The following ZFAND3 variants were observed in gnomAD, a reference collection of about 807,000 sequenced individuals.
ZFAND3 encodes the protein zinc finger AN1-type containing 3.
In ZFAND3, 10 loss-of-function variants were observed where a neutral mutation model predicts 29.6. That is an observed-to-expected ratio of 0.34 (90% CI 0.21 to 0.57). The LOEUF (loss-of-function observed/expected upper bound fraction) is 0.57. Ranked by LOEUF, ZFAND3 falls within the 20% of genes least tolerant of loss-of-function variation. ZFAND3 has a pLI of 0.86. For synonymous variants in ZFAND3, 128 were observed against 112.6 expected (o/e 1.14, Z -0.87); for missense variants, 230 against 304.5 (o/e 0.76, Z 1.82).
chr6:38,065,477 A>G (rs1294287291), intron 3 of ZFAND3, among the ~76,000 whole-genome samples: 1 of 152,188 alleles, frequency 6.6e-6, no homozygotes, highest in African/African-American at 2.4e-5. Context: ...CAGTTTAGAT[A>G]ATAATAATGT....
intron 2 of ZFAND3, among the ~76,000 whole-genome samples, chr6:38,011,564 C>A (rs1763153901): frequency 6.6e-6 from 1 of 152,094 alleles, no homozygotes; most frequent in Non-Finnish European, 1.5e-5. Context: ...TTTTAATTTT[C>A]ATTTCCTTTT....
At chr6:37,836,546 G>A (rs1045405066) in intron 1 of ZFAND3, among the ~76,000 whole-genome samples, 1 of 152,166 alleles carries the variant, frequency 6.6e-6, no homozygotes, top group African/African-American at 2.4e-5. Flanking sequence ...GCTCCTTGAA[G>A]GTCCTAGAAG....
intron 2 of ZFAND3, among the ~76,000 whole-genome samples, chr6:37,985,527 A>ACACACCCC (rs753070737): frequency 2.1e-5 from 3 of 141,656 alleles, no homozygotes; most frequent in Non-Finnish European, 3.2e-5. Flanking sequence ...ACACACACAC[A>ACACACCCC]CCCCCACACA....
intron 1 of ZFAND3, among the ~76,000 whole-genome samples, chr6:37,848,885 TGAGA>T (rs1286430939): frequency 1.3e-5 from 2 of 152,200 alleles, no homozygotes; most frequent in Non-Finnish European, 2.9e-5. Context: ...AGAGAATTGT[TGAGA>T]GAGCTGTCAG....
At chr6:37,869,513 A>AT (rs543408260) in intron 1 of ZFAND3, among the ~76,000 whole-genome samples, 1,818 of 141,294 alleles carry the variant, frequency 0.013, 29 homozygotes, top group African/African-American at 0.039. Flanking sequence ...AAGTTTGTTA[A>AT]TTTTTTTTTT....
intron 1 of ZFAND3, among the ~76,000 whole-genome samples, chr6:37,861,946 T>A (rs1312014827): frequency 1.3e-5 from 2 of 152,264 alleles, no homozygotes; most frequent in African/African-American, 4.8e-5. Flanking sequence ...CATTTTCTTA[T>A]AATCTTTCCC....
At chr6:37,926,799 A>G (rs259686) in intron 1 of ZFAND3, among the ~76,000 whole-genome samples, 45,913 of 151,990 alleles carry the variant, frequency 0.3, 7,651 homozygotes, top group Non-Finnish European at 0.38. Context: ...GTCTGTTCCA[A>G]GACCATGCAA....
chr6:38,116,883 G>T, intron 5 of ZFAND3, 144 bp downstream of exon 5: 2 of 1,108,198 alleles, frequency 1.8e-6, no homozygotes, highest in East Asian at 2.6e-5. Flanking sequence ...TAGGTTTGGG[G>T]CTTGAGAAAT....
intron 3 of ZFAND3, among the ~76,000 whole-genome samples, chr6:38,067,941 TG>T (rs1238080676): frequency 1.3e-5 from 2 of 152,134 alleles, no homozygotes; most frequent in African/African-American, 4.8e-5. Flanking sequence ...TGGAGGTGTT[TG>T]GGGGGTCATG....
At chr6:37,826,344 G>A (rs189630191) in intron 1 of ZFAND3, among the ~76,000 whole-genome samples, 5 of 152,184 alleles carry the variant, frequency 3.3e-5, no homozygotes, top group African/African-American at 1.2e-4. Flanking sequence ...GAGGAACAGC[G>A]ATCCTGCTCT....
At chr6:37,845,643 G>A (rs1764165032) in intron 1 of ZFAND3, among the ~76,000 whole-genome samples, 1 of 152,190 alleles carries the variant, frequency 6.6e-6, no homozygotes, top group South Asian at 2.1e-4. Context: ...CAGGTTGCAT[G>A]TATCATCAGT....
chr6:38,042,112 G>A (rs1325833939), intron 2 of ZFAND3, among the ~76,000 whole-genome samples: 1 of 150,698 alleles, frequency 6.6e-6, no homozygotes, highest in African/African-American at 2.4e-5. Flanking sequence ...TAGGATTACA[G>A]GTGTGAGCCA....
chr6:38,012,957 A>G (rs1318942263), intron 2 of ZFAND3, among the ~76,000 whole-genome samples: 1 of 152,234 alleles, frequency 6.6e-6, no homozygotes, highest in East Asian at 1.9e-4. Context: ...GTAAGGAGTT[A>G]CCTTAAATAT....
chr6:37,833,843 A>AG (rs1763911102), intron 1 of ZFAND3, among the ~76,000 whole-genome samples: 1 of 150,960 alleles, frequency 6.6e-6, no homozygotes, highest in African/African-American at 2.4e-5. Context: ...AAAAAAAAAA[A>AG]GGACTTCATT....
intron 1 of ZFAND3, among the ~76,000 whole-genome samples, chr6:37,923,404 G>T (rs1312111884): frequency 6.6e-6 from 1 of 152,140 alleles, no homozygotes; most frequent in Non-Finnish European, 1.5e-5. Context: ...AGGTCTTCAG[G>T]GGTAGTAATT....
At chr6:37,869,297 GGGATTACAGGCGCACCA>G (rs1764648247) in intron 1 of ZFAND3, among the ~76,000 whole-genome samples, 1 of 152,070 alleles carries the variant, frequency 6.6e-6, no homozygotes, top group African/African-American at 2.4e-5. Flanking sequence ...CCGAGTAGCT[GGGATTACAGGCGCACCA>G]CGCCTGGCTA....
intron 1 of ZFAND3, among the ~76,000 whole-genome samples, chr6:37,858,486 T>C (rs1764423471): frequency 1.3e-5 from 2 of 152,212 alleles, no homozygotes; most frequent in Admixed American, 6.5e-5. Context: ...GAAATCCTTT[T>C]TGAGGCTTTA....
At chr6:38,041,819 T>C (rs1763792621) in intron 2 of ZFAND3, among the ~76,000 whole-genome samples, 1 of 26,758 alleles carries the variant, frequency 3.7e-5, no homozygotes, top group African/African-American at 1.0e-4. Context: ...TTCTTCTTCT[T>C]CTCCTCCTTT....
At chr6:38,141,328 C>T (rs1341628447) in intron 5 of ZFAND3, among the ~76,000 whole-genome samples, 1 of 152,186 alleles carries the variant, frequency 6.6e-6, no homozygotes, top group Non-Finnish European at 1.5e-5. Flanking sequence ...TTTCAACAAA[C>T]AATCAGTACG....
Sources: gnomAD v4.1 joint callset for allele counts (sites outside exome capture counted in the v4.1 genomes callset) on GRCh38, gnomAD v4.1.1 for gene constraint, MANE v1.5 for transcripts, NCBI Gene and HGNC (gene_info 2026-07-23, HGNC 2026-07-21) for gene names.